Variants in FRMD6 observed in about 807,000 individuals in gnomAD.
The protein encoded by FRMD6 is FERM domain containing 6, also known as FERM domain-containing protein 6.
Under a neutral mutation model 73.2 loss-of-function variants are expected in FRMD6, and 37 were observed. The observed-to-expected ratio is 0.51, with a 90% CI of 0.39 to 0.66. The LOEUF (loss-of-function observed/expected upper bound fraction) is 0.66. Among genes scored for constraint, FRMD6 ranks in the 30% least tolerant of loss-of-function variants. The pLI is 0.00. For missense variants in FRMD6, 714 were observed against 780.5 expected (o/e 0.91, Z 1.02); for synonymous variants, 273 against 282.2 (o/e 0.97, Z 0.33).
At chr14:51,585,844 A>G (rs1888996463) in intron 2 of FRMD6, among the ~76,000 whole-genome samples, 2 of 150,494 alleles carry the variant, frequency 1.3e-5, no homozygotes, top group South Asian at 4.2e-4. Flanking sequence ...TTCACTTAGG[A>G]TAATGGCTTC....
At chr14:51,532,159 A>G (rs1885621197) in intron 1 of FRMD6, among the ~76,000 whole-genome samples, 1 of 152,074 alleles carries the variant, frequency 6.6e-6, no homozygotes, top group South Asian at 2.1e-4. Flanking sequence ...ACGAGGTCAG[A>G]AGATCGAGAC....
intron 1 of FRMD6, among the ~76,000 whole-genome samples, chr14:51,680,676 A>G (rs750712237): frequency 1.1e-4 from 16 of 152,006 alleles, no homozygotes; most frequent in Non-Finnish European, 2.2e-4. Flanking sequence ...TTCTAAAATT[A>G]TATAGTGAAA....
chr14:51,723,847 C>T (rs34273878), intron 12 of FRMD6, among the ~76,000 whole-genome samples: 17,343 of 150,914 alleles, frequency 0.11, 1,175 homozygotes, highest in Non-Finnish European at 0.16. Context: ...CCATTAAATT[C>T]GAGATTTTCA....
At chr14:51,497,485 T>TAATG (rs1883373970) in intron 1 of FRMD6, among the ~76,000 whole-genome samples, 1 of 152,198 alleles carries the variant, frequency 6.6e-6, no homozygotes, top group Admixed American at 6.5e-5. Flanking sequence ...CTCTCTCTAC[T>TAATG]AATGCTCTCT....
chr14:51,469,055 C>A, the FRMD6 span, among the ~76,000 whole-genome samples: 8 of 151,870 alleles, frequency 5.3e-5, no homozygotes, highest in Non-Finnish European at 1.2e-4. Context: ...ATTCTCCTGC[C>A]TCAGCCTCCC....
chr14:51,578,203 C>A (rs1209977702), intron 2 of FRMD6, among the ~76,000 whole-genome samples: 5 of 152,098 alleles, frequency 3.3e-5, no homozygotes, highest in Non-Finnish European at 7.3e-5. Context: ...ACCGTTGATG[C>A]CAGGCACTAG....
the FRMD6 span, among the ~76,000 whole-genome samples, chr14:51,418,963 G>C: frequency 4.6e-5 from 7 of 152,228 alleles, no homozygotes; most frequent in Non-Finnish European, 1.0e-4. Context: ...GCAAGGCTCT[G>C]TGGGCTTGGG....
intron 1 of FRMD6, among the ~76,000 whole-genome samples, chr14:51,536,726 T>C (rs144867434): frequency 6.6e-6 from 1 of 152,350 alleles, no homozygotes; most frequent in African/African-American, 2.4e-5. Flanking sequence ...CTCTTGTCCA[T>C]ATTTTTAAAA....
At chr14:51,506,737 T>G (rs1046856783) in intron 1 of FRMD6, among the ~76,000 whole-genome samples, 5 of 152,184 alleles carry the variant, frequency 3.3e-5, no homozygotes, top group African/African-American at 1.2e-4. Context: ...TATATAAAGA[T>G]ACCTGTTTAT....
At position 51,715,395 on chromosome 14, in the gene FRMD6, C is replaced by T. The variant is rs1244532371; in HGVS notation, c.920C>T (p.Pro307Leu). 7 of 1,613,544 alleles carry T rather than the reference C, an allele frequency of 4.3e-6. No individual in the cohort carries two copies. In the Admixed American group the frequency reaches 1.2e-4, roughly 27 times the overall value. ...ARKLIYYTGCPMRSRHLLQLL... is the reference protein window; with the variant it reads ...ARKLIYYTGCLMRSRHLLQLL... ...AAGCTCATATACTACACGGGGTGCC[C>T]CATGCGCTCCAGACACCTCCTGCAA... The change falls in exon 10 of 14, where the codon CCC (proline) becomes CTC (leucine). Residue 307 changes from proline to leucine, a missense_variant. Coordinates refer to ENST00000344768, the MANE Select transcript of FRMD6 (RefSeq NM_001267046.2).
intron 2 of FRMD6, among the ~76,000 whole-genome samples, chr14:51,623,737 T>C (rs1191468208): frequency 6.6e-6 from 1 of 152,120 alleles, no homozygotes; most frequent in Non-Finnish European, 1.5e-5. Context: ...TGTTAGTGAG[T>C]TTTATTGGCC....
chr14:51,652,449 C>T (rs543566091), intron 1 of FRMD6, among the ~76,000 whole-genome samples: 2 of 152,330 alleles, frequency 1.3e-5, no homozygotes, highest in African/African-American at 2.4e-5. Flanking sequence ...GGCCCCGGCA[C>T]CCAGGTCTGT....
intron 12 of FRMD6, chr14:51,724,229 A>G (rs1897814883): frequency 6.6e-6 from 1 of 151,582 alleles, no homozygotes. Flanking sequence ...AAAAACACTC[A>G]GCTAAGATTG....
At chr14:51,686,184 T>G (rs745739851) in intron 1 of FRMD6, among the ~76,000 whole-genome samples, 37 of 152,264 alleles carry the variant, frequency 2.4e-4, no homozygotes, top group Non-Finnish European at 3.1e-4. Context: ...CTTACCTTAG[T>G]TTTAGATTCA....
chr14:51,711,263 G>A (rs1158819357), intron 7 of FRMD6, among the ~76,000 whole-genome samples: 1 of 152,162 alleles, frequency 6.6e-6, no homozygotes, highest in African/African-American at 2.4e-5. Flanking sequence ...AGATACAAAA[G>A]TGTATGTAAT....
chr14:51,674,816 G>A (rs746929613), intron 1 of FRMD6, among the ~76,000 whole-genome samples: 48 of 152,010 alleles, frequency 3.2e-4, no homozygotes, highest in Non-Finnish European at 6.3e-4. Flanking sequence ...CGCACGAACC[G>A]AACAACCAGA....
the FRMD6 span, among the ~76,000 whole-genome samples, chr14:51,470,307 G>A: frequency 6.6e-6 from 1 of 152,048 alleles, no homozygotes. Context: ...TCACAAGGTC[G>A]AGAGTTCCAA....
intron 2 of FRMD6, among the ~76,000 whole-genome samples, chr14:51,637,016 G>A (rs760313430): frequency 3.3e-4 from 50 of 152,334 alleles, no homozygotes; most frequent in Middle Eastern, 3.4e-3. Flanking sequence ...TTAAGCCCAG[G>A]AGTTTGAGAC....
intron 1 of FRMD6, among the ~76,000 whole-genome samples, chr14:51,523,691 C>A (rs1439514395): frequency 6.6e-6 from 1 of 152,152 alleles, no homozygotes; most frequent in African/African-American, 2.4e-5. Flanking sequence ...TGGAACTCCC[C>A]TAACACATGA....
Sources: allele counts gnomAD v4.1 joint callset (sites outside exome capture counted in the v4.1 genomes callset), GRCh38; gene constraint gnomAD v4.1.1; transcripts MANE v1.5; gene names NCBI Gene and HGNC (gene_info 2026-07-23, HGNC 2026-07-21).